PCDH15: variants seen among roughly 807,000 people sequenced by gnomAD.
PCDH15 encodes protocadherin-15.
In PCDH15, 129 loss-of-function variants were observed where a neutral mutation model predicts 178.5. The observed-to-expected ratio is 0.72, with a 90% CI of 0.63 to 0.84. PCDH15 has a LOEUF of 0.84. Among genes scored for constraint, PCDH15 ranks in the 40% least tolerant of loss-of-function variants. PCDH15 has a pLI of 0.00. For missense variants in PCDH15, 2,230 were observed against 2,099.9 expected, an observed-to-expected ratio of 1.06 and a Z score of -1.21; for synonymous variants, 800 against 732.0, an observed-to-expected ratio of 1.09 and a Z score of -1.50.
At position 54,561,466 on chromosome 10, in the gene PCDH15, A is replaced by G. The variant is rs147573987; in HGVS notation, c.92-33589T>C. Among the ~76,000 whole-genome samples, 435 of 152,302 alleles carry G rather than the reference A, an allele frequency of 2.9e-3. 1 individual carries two copies. Among genetic ancestry groups the G allele is most frequent in the African/African-American group, 0.01 (417 of 41,586 alleles). ...TTAGTTAATCAGGGACTTCTGGCTT[A>G]AGGAAAGAAAGCAACTTGTCAGATT... On this transcript the variant is annotated intron_variant, in intron 2 of 37. Coordinates refer to ENST00000644397, the MANE Select transcript of PCDH15 (RefSeq NM_001384140.1).
chr10:54,979,740 T>C (rs887542785), intron 2 of PCDH15, among the ~76,000 whole-genome samples: 7 of 151,186 alleles, frequency 4.6e-5, no homozygotes, highest in African/African-American at 1.7e-4. Flanking sequence ...GTGATACATA[T>C]ATACAATGAA....
chr10:54,667,966 A>C (rs2094598567), intron 1 of PCDH15, among the ~76,000 whole-genome samples: 1 of 152,102 alleles, frequency 6.6e-6, no homozygotes, highest in Non-Finnish European at 1.5e-5. Context: ...AGTGGTTTGC[A>C]TTCCATGTGC....
intron 2 of PCDH15, among the ~76,000 whole-genome samples, chr10:54,622,608 AATT>A (rs1211925964): frequency 0.022 from 975 of 44,724 alleles, 39 homozygotes; most frequent in African/African-American, 0.081. Flanking sequence ...TAATATATAT[AATT>A]ATATATAATA....
At chr10:55,567,296 C>G (rs570415285) in intron 2 of PCDH15, among the ~76,000 whole-genome samples, 1 of 151,878 alleles carries the variant, frequency 6.6e-6, no homozygotes, top group East Asian at 1.9e-4. Flanking sequence ...GGATCCATGA[C>G]CTAAATGGAA....
intron 1 of PCDH15, among the ~76,000 whole-genome samples, chr10:55,185,655 C>G (rs540722907): frequency 6.6e-6 from 1 of 151,784 alleles, no homozygotes; most frequent in South Asian, 2.1e-4. Context: ...AATCATTTGA[C>G]AGGGCTTCTA....
intron 4 of PCDH15, among the ~76,000 whole-genome samples, chr10:54,376,456 T>A (rs1242902013): frequency 1.3e-5 from 2 of 150,894 alleles, no homozygotes; most frequent in Non-Finnish European, 3.0e-5. Context: ...ATGAATATCA[T>A]AGTATTAATA....
intron 3 of PCDH15, among the ~76,000 whole-genome samples, chr10:54,404,331 C>CAATGGAATAGAACAGAG (rs1466787172): frequency 2.0e-5 from 3 of 152,028 alleles, no homozygotes; most frequent in Admixed American, 6.6e-5. Context: ...GCACATAGAC[C>CAATGGAATAGAACAGAG]AATGGAATAG....
chr10:55,333,535 G>A (rs1196846686), intron 2 of PCDH15, among the ~76,000 whole-genome samples: 2 of 151,848 alleles, frequency 1.3e-5, no homozygotes, highest in Non-Finnish European at 2.9e-5. Context: ...TGGTTAGTTT[G>A]GTTAATATTT....
intron 3 of PCDH15, among the ~76,000 whole-genome samples, chr10:54,893,838 G>A (rs572892830): frequency 6.6e-6 from 1 of 152,000 alleles, no homozygotes; most frequent in Non-Finnish European, 1.5e-5. Flanking sequence ...GTTCTTCACA[G>A]GTTCTTAGAA....
At chr10:54,230,786 G>A (rs116270433) in intron 9 of PCDH15, among the ~76,000 whole-genome samples, 8,296 of 151,900 alleles carry the variant, frequency 0.055, 562 homozygotes, top group African/African-American at 0.17. Flanking sequence ...AATACTGTTA[G>A]CAATATTATA....
At chr10:54,979,691 A>C (rs1839174958) in intron 2 of PCDH15, among the ~76,000 whole-genome samples, 1 of 150,336 alleles carries the variant, frequency 6.7e-6, no homozygotes, top group African/African-American at 2.4e-5. Context: ...AAAAAACCAG[A>C]ATTTTATTTT....
intron 8 of PCDH15, among the ~76,000 whole-genome samples, chr10:54,289,468 A>G (rs1303986915): frequency 6.6e-6 from 1 of 152,238 alleles, no homozygotes; most frequent in Non-Finnish European, 1.5e-5. Flanking sequence ...TGAAAATTCT[A>G]AAAACCAGAG....
chr10:55,205,580 AT>A (rs1840374813), intron 1 of PCDH15, among the ~76,000 whole-genome samples: 1 of 152,028 alleles, frequency 6.6e-6, no homozygotes, highest in Non-Finnish European at 1.5e-5. Flanking sequence ...AACAAGCAAA[AT>A]TTTAAACATA....
At chr10:53,822,545 TTCGGTTTCAA>T in intron 32 of PCDH15, 1 of 1,613,748 alleles carries the variant, frequency 6.2e-7, no homozygotes. Flanking sequence ...AAATATTTCT[TTCGGTTTCAA>T]TAGGTAACAT....
intron 2 of PCDH15, among the ~76,000 whole-genome samples, chr10:55,537,132 T>G (rs1841595691): frequency 6.6e-6 from 1 of 152,116 alleles, no homozygotes; most frequent in African/African-American, 2.4e-5. Context: ...AGACTAAAAA[T>G]TATTAATGCT....
intron 15 of PCDH15, among the ~76,000 whole-genome samples, chr10:54,103,269 C>A (rs560833165): frequency 6.6e-6 from 1 of 152,306 alleles, no homozygotes; most frequent in South Asian, 2.1e-4. Flanking sequence ...TCTAGGAACA[C>A]CCTGATTAAT....
At position 53,995,712 on chromosome 10, in the gene PCDH15, C is replaced by T. The variant is rs1406455824; in HGVS notation, c.2805G>A (p.Val935=). The T allele has an allele frequency of 1.1e-5, 18 of 1,613,896 alleles. No homozygotes were observed. The highest frequency in any genetic ancestry group is 1.5e-5 in the Non-Finnish European group (18 of 1,179,820). The change falls in exon 21 of 38, where the codon GTG becomes GTA. Residue 935 remains valine, a synonymous_variant. Coordinates refer to ENST00000644397, the MANE Select transcript of PCDH15 (RefSeq NM_001384140.1). The part of the protein sequence containing the change: ...VFSKRIYKGM[V]APDAVKGTPI... ...GTGTACCCTTGACTGCATCCGGAGC[C>T]ACCATCCCTTTGTATATTCGTTTAC...
In PCDH15 at chr10:53,810,667, G is replaced by T. The variant is rs2075831221; in HGVS notation, c.4563-3C>A. On this transcript the variant is annotated splice_region_variant and splice_polypyrimidine_tract_variant and intron_variant, in intron 36 of 37. Coordinates refer to ENST00000644397, the MANE Select transcript of PCDH15 (RefSeq NM_001384140.1). The stretch of plus-strand genomic sequence containing the variant: ...TCCCATATTGAGGCATTTCATACCT[G>T]TAATATAAACTTACATCTTTAAACA... The T allele has an allele frequency of 6.2e-7, 1 of 1,609,774 alleles. No individual in the cohort carries two copies. Among genetic ancestry groups the T allele is most frequent in the Non-Finnish European group, 8.5e-7 (1 of 1,176,258 alleles).
intron 18 of PCDH15, among the ~76,000 whole-genome samples, chr10:54,058,502 G>T (rs936222887): frequency 6.6e-6 from 1 of 151,998 alleles, no homozygotes; most frequent in African/African-American, 2.4e-5. Flanking sequence ...GCATGAGAAA[G>T]ACCTGCCCTG....
Sources: gnomAD v4.1 joint callset for allele counts (sites outside exome capture counted in the v4.1 genomes callset) on GRCh38, gnomAD v4.1.1 for gene constraint, MANE v1.5 for transcripts, NCBI Gene and HGNC (gene_info 2026-07-23, HGNC 2026-07-21) for gene names.